The following ERC2 variants were observed in gnomAD, a reference collection of about 807,000 sequenced individuals.
The protein encoded by ERC2 is ERC protein 2.
In ERC2, 42 loss-of-function variants were observed where a neutral mutation model predicts 114.8. The ratio of observed to expected loss-of-function variants is 0.37; its 90% CI spans 0.29 to 0.47. The LOEUF (loss-of-function observed/expected upper bound fraction) is 0.47, where lower values mean the gene tolerates loss of function less well. ERC2 is among the 20% of genes least tolerant of loss of function. The pLI is 0.99. For synonymous variants in ERC2, 454 were observed against 425.5 expected (o/e 1.07, Z -0.82); for missense variants, 939 against 1,150.7 (o/e 0.82, Z 2.66).
chr3:55,777,755 A>T (rs1470149065), intron 14 of ERC2, among the ~76,000 whole-genome samples: 4 of 152,140 alleles, frequency 2.6e-5, no homozygotes, highest in Non-Finnish European at 5.9e-5. Context: ...TGGAACATAC[A>T]CTTTTACCCC....
chr3:55,767,839 G>A (rs991932702), intron 14 of ERC2, among the ~76,000 whole-genome samples: 1 of 152,192 alleles, frequency 6.6e-6, no homozygotes, highest in Non-Finnish European at 1.5e-5. Context: ...ACATTTGGGG[G>A]TCTACTGAGT....
At chr3:55,637,620 A>C (rs2060011599) in intron 17 of ERC2, among the ~76,000 whole-genome samples, 1 of 152,214 alleles carries the variant, frequency 6.6e-6, no homozygotes, top group Non-Finnish European at 1.5e-5. Context: ...GAATGCATTG[A>C]GTACTCACTG....
intron 2 of ERC2, among the ~76,000 whole-genome samples, chr3:56,353,962 G>A (rs1213109729): frequency 1.3e-5 from 2 of 151,888 alleles, no homozygotes; most frequent in Admixed American, 1.3e-4. Flanking sequence ...TTTTACCAAT[G>A]GGAAAACTGA....
intron 13 of ERC2, among the ~76,000 whole-genome samples, chr3:55,926,814 A>G (rs2065780431): frequency 6.6e-6 from 1 of 152,208 alleles, no homozygotes; most frequent in African/African-American, 2.4e-5. Context: ...TGTGGCTGGA[A>G]GGCAAATCTA....
intron 13 of ERC2, among the ~76,000 whole-genome samples, chr3:55,911,329 A>G (rs998104759): frequency 6.6e-6 from 1 of 152,226 alleles, no homozygotes; most frequent in South Asian, 2.1e-4. Flanking sequence ...TTCAAAGTCC[A>G]CAAGCAGAGA....
chr3:56,401,538 C>G (rs2060519459), intron 2 of ERC2, among the ~76,000 whole-genome samples: 1 of 152,168 alleles, frequency 6.6e-6, no homozygotes, highest in South Asian at 2.1e-4. Context: ...ATGTGCCAAT[C>G]TTTGAAGTTG....
At chr3:55,768,284 A>G (rs530134570) in intron 14 of ERC2, among the ~76,000 whole-genome samples, 1 of 152,348 alleles carries the variant, frequency 6.6e-6, no homozygotes, top group African/African-American at 2.4e-5. Flanking sequence ...GCAAATCAGA[A>G]CATCAATCCT....
chr3:56,374,273 A>G (rs1454145029), intron 2 of ERC2, among the ~76,000 whole-genome samples: 4 of 151,886 alleles, frequency 2.6e-5, no homozygotes, highest in Non-Finnish European at 5.9e-5. Flanking sequence ...ATTTTTTTGT[A>G]TTTTTAGTAG....
At chr3:55,870,843 C>T (rs915056821) in intron 14 of ERC2, among the ~76,000 whole-genome samples, 15 of 152,192 alleles carry the variant, frequency 9.9e-5, no homozygotes, top group South Asian at 2.1e-4. Flanking sequence ...CTGTGATGGA[C>T]GCAAAGTCTG....
chr3:56,399,279 T>A (rs780569786), intron 2 of ERC2, among the ~76,000 whole-genome samples: 4 of 152,210 alleles, frequency 2.6e-5, no homozygotes, highest in Non-Finnish European at 5.9e-5. Context: ...TAGCCTTACA[T>A]TAATGCAGAC....
intron 14 of ERC2, among the ~76,000 whole-genome samples, chr3:55,828,352 T>G (rs1398773589): frequency 1.3e-5 from 2 of 152,196 alleles, no homozygotes; most frequent in Non-Finnish European, 2.9e-5. Context: ...TTTCTGGCCA[T>G]AGACCTGGGG....
At chr3:56,015,497 T>G (rs1395397940) in intron 8 of ERC2, among the ~76,000 whole-genome samples, 1 of 152,178 alleles carries the variant, frequency 6.6e-6, no homozygotes, top group Non-Finnish European at 1.5e-5. Context: ...TTGCTGAGGT[T>G]AATGGCTTCC....
intron 14 of ERC2, among the ~76,000 whole-genome samples, chr3:55,765,818 GT>G (rs1421199507): frequency 1.3e-5 from 2 of 152,188 alleles, no homozygotes; most frequent in African/African-American, 2.4e-5. Context: ...GCTCAGGTGA[GT>G]TTGGCTTTCC....
rs545539592 is a variant in ERC2 at position 55,793,740 on chromosome 3, GC to G, written c.2565-58823del. On this transcript the variant is annotated intron_variant, in intron 14 of 17. Transcript: ENST00000288221. ...CCTATGAAAAATCGTATTATTTAGG[GC>G]CCCCGTCTACACCTAATCAAGTTAC... Among the ~76,000 whole-genome samples the G allele has an allele frequency of 3.0e-3, 451 of 151,982 alleles. 2 individuals carry two copies. Among genetic ancestry groups the G allele is most frequent in the African/African-American group, 0.01 (429 of 41,458 alleles).
At chr3:56,396,792 G>T (rs78046785) in intron 2 of ERC2, among the ~76,000 whole-genome samples, 353 of 152,186 alleles carry the variant, frequency 2.3e-3, no homozygotes, top group African/African-American at 8.2e-3. Context: ...CCTTTGTGTG[G>T]TTCACTGAAG....
At chr3:55,535,548 A>C (rs2053944160) in intron 17 of ERC2, among the ~76,000 whole-genome samples, 1 of 152,222 alleles carries the variant, frequency 6.6e-6, no homozygotes, top group African/African-American at 2.4e-5. Flanking sequence ...GGTGTGAGCC[A>C]CCGGCAGCAG....
At chr3:55,854,069 G>A (rs1181926160) in intron 14 of ERC2, among the ~76,000 whole-genome samples, 1 of 152,186 alleles carries the variant, frequency 6.6e-6, no homozygotes, top group East Asian at 1.9e-4. Context: ...GAGGTAAGGA[G>A]TTTGAAACCA....
intron 12 of ERC2, among the ~76,000 whole-genome samples, chr3:55,965,225 A>G (rs906089590): frequency 3.3e-5 from 5 of 152,206 alleles, no homozygotes; most frequent in African/African-American, 7.2e-5. Context: ...TGTCTCTCAT[A>G]TGCAATATCC....
At chr3:55,795,552 T>C (rs2070405331) in intron 14 of ERC2, among the ~76,000 whole-genome samples, 1 of 152,242 alleles carries the variant, frequency 6.6e-6, no homozygotes, top group Non-Finnish European at 1.5e-5. Flanking sequence ...CATTTGATAC[T>C]AACATAGTGC....
Sources: gnomAD v4.1 joint callset for allele counts (sites outside exome capture counted in the v4.1 genomes callset) on GRCh38, gnomAD v4.1.1 for gene constraint, MANE v1.5 for transcripts, NCBI Gene and HGNC (gene_info 2026-07-23, HGNC 2026-07-21) for gene names.